The following PPP1R12A variants were observed in gnomAD, a reference collection of about 807,000 sequenced individuals.
PPP1R12A encodes the protein myosin binding subunit.
In PPP1R12A, 19 loss-of-function variants were observed where a neutral mutation model predicts 139.6. That is an observed-to-expected ratio of 0.14 (90% CI 0.09 to 0.20). The LOEUF is 0.20. Among genes scored for constraint, PPP1R12A ranks in the 10% least tolerant of loss-of-function variants. PPP1R12A has a pLI of 1.00. For missense variants in PPP1R12A, 925 were observed against 1,211.5 expected (o/e 0.76, Z 3.51); for synonymous variants, 427 against 420.6 (o/e 1.02, Z -0.19).
chr12:79,802,814 G>GCT (rs1195201897), intron 14 of PPP1R12A, among the ~76,000 whole-genome samples: 1 of 152,158 alleles, frequency 6.6e-6, no homozygotes, highest in African/African-American at 2.4e-5. Flanking sequence ...TAGGGTGCAT[G>GCT]CTATCACTTT....
intron 9 of PPP1R12A, among the ~76,000 whole-genome samples, chr12:79,813,146 T>C (rs1450163374): frequency 6.6e-6 from 1 of 152,238 alleles, no homozygotes; most frequent in Non-Finnish European, 1.5e-5. Context: ...GAAGACATCC[T>C]GCAATATAGC....
At chr12:79,797,045 A>G (rs1872578613) in intron 16 of PPP1R12A, 95 bp from the exon 17 acceptor site, 1 of 1,408,466 alleles carries the variant, frequency 7.1e-7, no homozygotes, top group Non-Finnish European at 9.7e-7. Flanking sequence ...AAAGTAGTAT[A>G]CTAATCACGC....
intron 1 of PPP1R12A, among the ~76,000 whole-genome samples, chr12:79,890,917 A>C (rs1470907014): frequency 2.7e-5 from 4 of 147,574 alleles, no homozygotes; most frequent in African/African-American, 9.9e-5. Flanking sequence ...ACACACACAC[A>C]CACACACACA....
chr12:79,834,012 TCATC>T (rs1239483990), intron 3 of PPP1R12A, among the ~76,000 whole-genome samples: 1 of 152,164 alleles, frequency 6.6e-6, no homozygotes, highest in Non-Finnish European at 1.5e-5. Context: ...GATTTTTCAT[TCATC>T]CATCCATACA....
intron 1 of PPP1R12A, among the ~76,000 whole-genome samples, chr12:79,920,894 T>C (rs1887383648): frequency 6.6e-6 from 1 of 152,248 alleles, no homozygotes; most frequent in Non-Finnish European, 1.5e-5. Context: ...GTTTCTGGTA[T>C]TCCGTTATAA....
intron 1 of PPP1R12A, among the ~76,000 whole-genome samples, chr12:79,901,002 T>C (rs1885587988): frequency 6.6e-6 from 1 of 152,152 alleles, no homozygotes; most frequent in African/African-American, 2.4e-5. Flanking sequence ...CCAGGTACTA[T>C]GTTAGGTGAG....
intron 2 of PPP1R12A, among the ~76,000 whole-genome samples, chr12:79,864,799 A>G (rs1881778478): frequency 6.6e-6 from 1 of 152,228 alleles, no homozygotes; most frequent in Non-Finnish European, 1.5e-5. Flanking sequence ...GAACAGGACA[A>G]TAACAGGTTC....
intron 14 of PPP1R12A, among the ~76,000 whole-genome samples, chr12:79,803,076 G>A (rs1182869529): frequency 6.6e-6 from 1 of 152,156 alleles, no homozygotes; most frequent in Non-Finnish European, 1.5e-5. Context: ...ATGAAGGTTA[G>A]GGGGATAAAA....
intron 11 of PPP1R12A, 142 bp from the exon 12 acceptor site, chr12:79,807,472 A>AGTAAT (rs1443717989): frequency 1.8e-6 from 1 of 558,938 alleles, no homozygotes; most frequent in Non-Finnish European, 3.1e-6. Context: ...AAGAAGATAA[A>AGTAAT]GTAATTTCAG....
At chr12:79,832,051 T>C (rs1791579450) in intron 4 of PPP1R12A, among the ~76,000 whole-genome samples, 1 of 152,152 alleles carries the variant, frequency 6.6e-6, no homozygotes, top group African/African-American at 2.4e-5. Context: ...CTGTAGTGAT[T>C]TATTAGGCCA....
chr12:79,924,524 G>A (rs757016135), intron 1 of PPP1R12A, among the ~76,000 whole-genome samples: 43 of 152,228 alleles, frequency 2.8e-4, no homozygotes, highest in Non-Finnish European at 1.9e-4. Context: ...AACCTCCTGG[G>A]CTCAAGCAAT....
chr12:79,880,644 T>G (rs1184711432), intron 1 of PPP1R12A, among the ~76,000 whole-genome samples: 2 of 151,794 alleles, frequency 1.3e-5, no homozygotes, highest in Admixed American at 6.6e-5. Context: ...TTATTTAGAG[T>G]TTTTAGGAAG....
At chr12:79,917,000 C>T (rs1045760234) in intron 1 of PPP1R12A, among the ~76,000 whole-genome samples, 2 of 151,904 alleles carry the variant, frequency 1.3e-5, no homozygotes, top group Non-Finnish European at 2.9e-5. Context: ...AGTTGAGGTA[C>T]TTTACCAGAT....
rs34243136 is a variant in PPP1R12A at position 79,775,666 on chromosome 12, TA to T, written c.*262del. 315 of 245,452 alleles carry T rather than the reference TA, an allele frequency of 1.3e-3. No homozygotes were observed. Among genetic ancestry groups the T allele is most frequent in the Middle Eastern group, 2.6e-3 (2 of 784 alleles). 15.2% of individuals were successfully genotyped at this position (245,452 alleles called of 1,614,324 possible). A position where few individuals can be genotyped will look rare whatever the true frequency, so the allele number is the denominator to read the frequency against. On this transcript the variant is annotated 3_prime_UTR_variant, in exon 25 of 25. Coordinates refer to ENST00000450142, the MANE Select transcript of PPP1R12A (RefSeq NM_002480.3). ...GCTGTAAACAAGTTTTCTCAGTCATTAAAAAAAAATCTTCTCAGCAGCTGCA... is the reference window on the plus strand; with the variant it reads ...GCTGTAAACAAGTTTTCTCAGTCATTAAAAAAAATCTTCTCAGCAGCTGCA...
intron 8 of PPP1R12A, among the ~76,000 whole-genome samples, chr12:79,820,279 G>A (rs768402375): frequency 6.6e-5 from 10 of 152,276 alleles, no homozygotes; most frequent in Non-Finnish European, 1.0e-4. Flanking sequence ...AGTCGAGGTT[G>A]TTGGAATATG....
chr12:79,864,427 G>T (rs1302936442), intron 2 of PPP1R12A, among the ~76,000 whole-genome samples: 7 of 151,970 alleles, frequency 4.6e-5, no homozygotes, highest in African/African-American at 1.5e-4. Context: ...ACAATTAAAA[G>T]AACTAGAGAA....
intron 14 of PPP1R12A, among the ~76,000 whole-genome samples, chr12:79,803,062 A>T (rs1873386261): frequency 6.6e-6 from 1 of 152,218 alleles, no homozygotes; most frequent in Non-Finnish European, 1.5e-5. Context: ...ACCTGGTTTC[A>T]CATATGAAGG....
intron 4 of PPP1R12A, among the ~76,000 whole-genome samples, chr12:79,830,828 T>C (rs1381598313): frequency 3.9e-5 from 6 of 152,156 alleles, no homozygotes; most frequent in Non-Finnish European, 8.8e-5. Flanking sequence ...TAAGACATCA[T>C]GACAGAACTT....
intron 6 of PPP1R12A, 33 bp downstream of exon 6, chr12:79,822,083 G>T: frequency 7.4e-7 from 1 of 1,348,338 alleles, no homozygotes; most frequent in Non-Finnish European, 1.0e-6. Context: ...ATTAAGGTAA[G>T]TAATATAGGC....
Sources: gnomAD v4.1 joint callset for allele counts (sites outside exome capture counted in the v4.1 genomes callset) on GRCh38, gnomAD v4.1.1 for gene constraint, MANE v1.5 for transcripts, NCBI Gene and HGNC (gene_info 2026-07-23, HGNC 2026-07-21) for gene names.